Variants in KIF2A observed in about 807,000 individuals in gnomAD.
KIF2A encodes kinesin family member 2A.
KIF2A carries 22 observed loss-of-function variants against 100.2 expected under a neutral mutation model. The ratio of observed to expected loss-of-function variants is 0.22; its 90% CI spans 0.16 to 0.31. The LOEUF (loss-of-function observed/expected upper bound fraction) is 0.31. Among genes scored for constraint, KIF2A ranks in the 10% least tolerant of loss-of-function variants. The pLI, the probability that KIF2A is intolerant of heterozygous loss-of-function variation, is 1.00. For synonymous variants in KIF2A, 268 were observed against 285.9 expected (o/e 0.94, Z 0.63); for missense variants, 495 against 898.7 (o/e 0.55, Z 5.74).
rs201377667 is a variant in KIF2A, at chr5:62,390,659, G to A, written c.*5090G>A. Among the ~76,000 whole-genome samples the A allele has an allele frequency of 1.3e-4, 20 of 152,176 alleles. No homozygotes were observed. The highest frequency in any genetic ancestry group is 1.2e-3 in the East Asian group (6 of 5,184). Reference sequence around the variant, plus strand: ...TAACACAAAGGCAATCTTCTGGCTCGGACTGTTCTTTACTACTGTTCTTAA... The same window carrying A: ...TAACACAAAGGCAATCTTCTGGCTCAGACTGTTCTTTACTACTGTTCTTAA... On this transcript the variant is annotated 3_prime_UTR_variant, in exon 21 of 21. Transcript: ENST00000407818.
intron 18 of KIF2A, among the ~76,000 whole-genome samples, chr5:62,375,120 A>T (rs1741484746): frequency 6.6e-6 from 1 of 152,252 alleles, no homozygotes; most frequent in African/African-American, 2.4e-5. Context: ...ATAAAAATAA[A>T]TACATGCCCA....
At chr5:62,328,491 T>A (rs1427718178) in intron 1 of KIF2A, among the ~76,000 whole-genome samples, 1 of 152,148 alleles carries the variant, frequency 6.6e-6, no homozygotes, top group Non-Finnish European at 1.5e-5. Flanking sequence ...ACTACAGTGA[T>A]TTAATACTCT....
intron 1 of KIF2A, among the ~76,000 whole-genome samples, chr5:62,337,457 A>T (rs576784013): frequency 6.6e-6 from 1 of 151,966 alleles, no homozygotes; most frequent in East Asian, 1.9e-4. Flanking sequence ...ACACCATCGC[A>T]CTCCAGCCTG....
At chr5:62,352,443 A>T in intron 4 of KIF2A, 145 bp from the exon 5 acceptor site, 1 of 520,416 alleles carries the variant, frequency 1.9e-6, no homozygotes, top group Non-Finnish European at 3.4e-6. Context: ...ACTATATTAT[A>T]TTTTACATAC....
At chr5:62,337,022 A>G (rs1205219346) in intron 1 of KIF2A, among the ~76,000 whole-genome samples, 1 of 151,926 alleles carries the variant, frequency 6.6e-6, no homozygotes, top group Non-Finnish European at 1.5e-5. Context: ...TAATTATGAA[A>G]ACAATAAAAA....
chr5:62,368,001 T>C (rs1380834906), intron 16 of KIF2A, among the ~76,000 whole-genome samples: 1 of 152,226 alleles, frequency 6.6e-6, no homozygotes, highest in South Asian at 2.1e-4. Flanking sequence ...ACTATGGAAA[T>C]GTTATTTTTT....
intron 3 of KIF2A, 45 bp from the exon 4 acceptor site, chr5:62,350,021 G>A: frequency 3.2e-6 from 4 of 1,257,144 alleles, no homozygotes; most frequent in Non-Finnish European, 3.4e-6. Context: ...ATACATATGA[G>A]GGAGTAAAGA....
intron 16 of KIF2A, among the ~76,000 whole-genome samples, chr5:62,369,463 T>C (rs1206919457): frequency 1.3e-5 from 2 of 152,196 alleles, no homozygotes; most frequent in Non-Finnish European, 2.9e-5. Context: ...TGGAGGAAGT[T>C]GCCCCCATGA....
intron 18 of KIF2A, among the ~76,000 whole-genome samples, chr5:62,377,393 C>A (rs1741596194): frequency 6.6e-6 from 1 of 152,112 alleles, no homozygotes; most frequent in South Asian, 2.1e-4. Context: ...AAAGAGAGTA[C>A]TCTTTCAGCA....
chr5:62,381,393 A>AAT (rs1741766483), intron 20 of KIF2A, 140 bp downstream of exon 20: 1 of 660,692 alleles, frequency 1.5e-6, no homozygotes, highest in African/African-American at 1.8e-5. Context: ...CAGAGGTATA[A>AAT]AGACAACTAA....
At chr5:62,348,579 G>A (rs1406192423) in intron 3 of KIF2A, among the ~76,000 whole-genome samples, 1 of 152,110 alleles carries the variant, frequency 6.6e-6, no homozygotes, top group Non-Finnish European at 1.5e-5. Flanking sequence ...AGAAAGATGG[G>A]AAATGATAGT....
intron 18 of KIF2A, among the ~76,000 whole-genome samples, chr5:62,376,198 A>G (rs953742683): frequency 3.9e-5 from 6 of 152,186 alleles, no homozygotes; most frequent in Non-Finnish European, 8.8e-5. Flanking sequence ...GGAGTATGAC[A>G]TCATGAGTTT....
intron 9 of KIF2A, among the ~76,000 whole-genome samples, chr5:62,358,585 C>T (rs142570927): frequency 3.3e-5 from 5 of 152,000 alleles, no homozygotes; most frequent in Non-Finnish European, 7.4e-5. Flanking sequence ...TAAGAAATTT[C>T]GGGAAAATGT....
chr5:62,307,445 C>G (rs1346469066), intron 1 of KIF2A, among the ~76,000 whole-genome samples: 1 of 151,898 alleles, frequency 6.6e-6, no homozygotes, highest in Non-Finnish European at 1.5e-5. Flanking sequence ...GTTTATGACA[C>G]TAGCTTGGGG....
At chr5:62,316,016 T>G (rs1264010281) in intron 1 of KIF2A, among the ~76,000 whole-genome samples, 2 of 152,224 alleles carry the variant, frequency 1.3e-5, no homozygotes, top group African/African-American at 2.4e-5. Context: ...ATCTCTTCAG[T>G]TTTATTTAAT....
At chr5:62,377,522 T>G in intron 18 of KIF2A, 139 bp from the exon 19 acceptor site, 1 of 435,008 alleles carries the variant, frequency 2.3e-6, no homozygotes. Context: ...TGGCTTTGCC[T>G]TTTATATATA....
At chr5:62,346,054 A>G (rs777283121) in intron 1 of KIF2A, among the ~76,000 whole-genome samples, 1 of 152,136 alleles carries the variant, frequency 6.6e-6, no homozygotes, top group Non-Finnish European at 1.5e-5. Context: ...GTTTATAATA[A>G]TAATAATAAA....
intron 9 of KIF2A, among the ~76,000 whole-genome samples, chr5:62,360,359 A>T (rs1485693047): frequency 3.0e-4 from 46 of 151,432 alleles, no homozygotes; most frequent in Non-Finnish European, 1.5e-5. Flanking sequence ...TTTTATTTTA[A>T]CTCTAGCAGT....
Position 62,389,143 on chromosome 5 carries a change from G to A in KIF2A, c.*3574G>A. On this transcript the variant is annotated 3_prime_UTR_variant, in exon 21 of 21. Coordinates refer to ENST00000407818, the MANE Select transcript of KIF2A (RefSeq NM_001098511.3). ...TTCTATACCATTAATACTAAAACATGAATACAGCATGCTTACAGAGCCCAC... is the reference window on the plus strand; with the variant it reads ...TTCTATACCATTAATACTAAAACATAAATACAGCATGCTTACAGAGCCCAC... 8.9e-7 allele frequency: 1 copy of A among 1,127,904 alleles called. No homozygotes were observed. Among genetic ancestry groups the A allele is most frequent in the Non-Finnish European group, 1.3e-6 (1 of 775,762 alleles). 69.9% of individuals were successfully genotyped at this position (1,127,904 alleles called of 1,614,324 possible).
Sources: gnomAD v4.1 joint callset for allele counts (sites outside exome capture counted in the v4.1 genomes callset) on GRCh38, gnomAD v4.1.1 for gene constraint, MANE v1.5 for transcripts, NCBI Gene and HGNC (gene_info 2026-07-23, HGNC 2026-07-21) for gene names.